ARMH4: variants seen among roughly 807,000 people sequenced by gnomAD.
ARMH4 encodes armadillo like helical domain containing 4, also known as armadillo-like helical domain-containing protein 4.
Under a neutral mutation model 61.9 loss-of-function variants are expected in ARMH4, and 49 were observed. That is an observed-to-expected ratio of 0.79 (90% CI 0.63 to 1.00). The LOEUF (loss-of-function observed/expected upper bound fraction) is 1.00. Ranked by LOEUF, ARMH4 falls within the 50% of genes least tolerant of loss-of-function variation. The pLI is 0.00. For missense variants in ARMH4, 934 were observed against 930.0 expected (o/e 1.00, Z -0.06); for synonymous variants, 368 against 341.5 (o/e 1.08, Z -0.85).
intron 5 of ARMH4, among the ~76,000 whole-genome samples, chr14:58,018,799 A>G (rs773528697): frequency 6.6e-6 from 1 of 152,174 alleles, no homozygotes; most frequent in Non-Finnish European, 1.5e-5. Context: ...ACAAATCAGT[A>G]TGTTGAAGAG....
At chr14:58,149,870 A>G (rs766323254) in intron 1 of ARMH4, among the ~76,000 whole-genome samples, 2 of 152,278 alleles carry the variant, frequency 1.3e-5, no homozygotes, top group Non-Finnish European at 2.9e-5. Flanking sequence ...AAGACATACT[A>G]GCATGCTACT....
chr14:58,055,630 T>A (rs999721909), intron 5 of ARMH4, among the ~76,000 whole-genome samples: 7 of 152,174 alleles, frequency 4.6e-5, no homozygotes, highest in Non-Finnish European at 8.8e-5. Context: ...CATCAGGGAA[T>A]CATCTGGGAG....
Position 58,003,994 on chromosome 14 carries a change from A to T in ARMH4, c.*742T>A, listed in dbSNP as rs1210411226. On this transcript the variant is annotated 3_prime_UTR_variant, in exon 8 of 8. Coordinates refer to ENST00000267485, the MANE Select transcript of ARMH4 (RefSeq NM_001001872.4). ...GAATATCTCTTAATCATAAACATGT[A>T]TGACATGTATGATTGAGTCTGTTGG... The T allele has an allele frequency of 6.6e-6, 1 of 152,200 alleles. No homozygotes were observed. Among genetic ancestry groups the T allele is most frequent in the East Asian group, 1.9e-4 (1 of 5,186 alleles). 9.4% of individuals were successfully genotyped at this position (152,200 alleles called of 1,614,324 possible). A position where few individuals can be genotyped will look rare whatever the true frequency, so the allele number is the denominator to read the frequency against.
intron 1 of ARMH4, among the ~76,000 whole-genome samples, chr14:58,149,083 GATTA>G (rs1417020107): frequency 1.3e-5 from 2 of 152,060 alleles, no homozygotes; most frequent in Admixed American, 6.5e-5. Context: ...ATTCCTCAAT[GATTA>G]ATTTATCATT....
chr14:58,079,932 A>G (rs1885164730), intron 5 of ARMH4, among the ~76,000 whole-genome samples: 1 of 152,110 alleles, frequency 6.6e-6, no homozygotes, highest in Non-Finnish European at 1.5e-5. Flanking sequence ...AACTATAGAA[A>G]TGATCTATCT....
At chr14:58,116,782 A>G (rs1193239612) in intron 4 of ARMH4, among the ~76,000 whole-genome samples, 1 of 152,246 alleles carries the variant, frequency 6.6e-6, no homozygotes, top group Non-Finnish European at 1.5e-5. Flanking sequence ...CTGGTTAACA[A>G]GCTGAAGATA....
At chr14:58,042,454 G>A (rs1225352411) in intron 5 of ARMH4, among the ~76,000 whole-genome samples, 5 of 152,140 alleles carry the variant, frequency 3.3e-5, no homozygotes, top group Admixed American at 3.3e-4. Context: ...AAAGCAGTGT[G>A]TAGAGGGAAA....
chr14:58,021,532 T>C (rs538458491), intron 5 of ARMH4, among the ~76,000 whole-genome samples: 40 of 152,316 alleles, frequency 2.6e-4, no homozygotes, highest in Admixed American at 2.5e-3. Flanking sequence ...AATGGACTAA[T>C]ACAAAATGTT....
chr14:58,104,670 A>G (rs1204816647), intron 4 of ARMH4, among the ~76,000 whole-genome samples: 8 of 152,242 alleles, frequency 5.3e-5, no homozygotes, highest in Non-Finnish European at 1.0e-4. Context: ...AGATATTATC[A>G]CCTTTCTTCA....
chr14:58,048,856 T>C (rs1348501323), intron 5 of ARMH4, among the ~76,000 whole-genome samples: 1 of 152,204 alleles, frequency 6.6e-6, no homozygotes, highest in African/African-American at 2.4e-5. Flanking sequence ...TTAAACTCTT[T>C]ATTTCATAAA....
rs1031219655 is a variant in ARMH4, at chr14:58,152,117, C to T, written c.-99G>A. ...AGCAGCGCGCGGAGGACAGAGGCAGCGGCGGCGCGGGCGCTCGGCATCCCA... is the reference window on the plus strand; with the variant it reads ...AGCAGCGCGCGGAGGACAGAGGCAGTGGCGGCGCGGGCGCTCGGCATCCCA... On this transcript the variant is annotated 5_prime_UTR_variant, in exon 1 of 8. Coordinates refer to ENST00000267485, the MANE Select transcript of ARMH4 (RefSeq NM_001001872.4). 1 of 159,918 alleles carries T rather than the reference C, an allele frequency of 6.3e-6. No homozygotes were observed. Among genetic ancestry groups the T allele is most frequent in the Non-Finnish European group, 1.4e-5 (1 of 74,018 alleles). The allele number at this position is 159,918 out of a possible 1,614,324, so 9.9% of individuals were successfully genotyped here.
chr14:58,069,386 CAT>C (rs1884811287), intron 5 of ARMH4, among the ~76,000 whole-genome samples: 1 of 152,184 alleles, frequency 6.6e-6, no homozygotes, highest in Non-Finnish European at 1.5e-5. Flanking sequence ...CTCACAATCT[CAT>C]ATGACAGACA....
At chr14:58,006,699 G>A (rs1594683440) in intron 6 of ARMH4, among the ~76,000 whole-genome samples, 1 of 150,106 alleles carries the variant, frequency 6.7e-6, no homozygotes, top group Non-Finnish European at 1.5e-5. Flanking sequence ...TCATAGGTGG[G>A]AACTGAACAA....
intron 5 of ARMH4, among the ~76,000 whole-genome samples, chr14:58,024,601 C>T (rs531085776): frequency 6.6e-6 from 1 of 152,238 alleles, no homozygotes; most frequent in South Asian, 2.1e-4. Context: ...TTTTCCTTTA[C>T]ATTCACAACT....
chr14:58,024,624 G>A (rs1453055275), intron 5 of ARMH4, among the ~76,000 whole-genome samples: 2 of 152,104 alleles, frequency 1.3e-5, no homozygotes, highest in South Asian at 4.1e-4. Flanking sequence ...GCTAACTGGT[G>A]CAAGAGGCCT....
intron 1 of ARMH4, among the ~76,000 whole-genome samples, chr14:58,144,584 G>A (rs556161520): frequency 6.6e-6 from 1 of 152,130 alleles, no homozygotes; most frequent in South Asian, 2.1e-4. Flanking sequence ...CAAAACATAT[G>A]AGGCCTGGCG....
chr14:58,103,592 C>A (rs1594758783), intron 4 of ARMH4, among the ~76,000 whole-genome samples: 2 of 117,154 alleles, frequency 1.7e-5, no homozygotes, highest in African/African-American at 6.0e-5. Context: ...CCAAAAAGAG[C>A]ACTATATTTT....
intron 5 of ARMH4, among the ~76,000 whole-genome samples, chr14:58,015,068 T>C (rs973888072): frequency 6.6e-6 from 1 of 152,194 alleles, no homozygotes; most frequent in African/African-American, 2.4e-5. Context: ...TTGTGTACTG[T>C]AGGAAGCTCA....
At chr14:58,132,269 G>A (rs1186688052) in intron 3 of ARMH4, among the ~76,000 whole-genome samples, 1 of 152,176 alleles carries the variant, frequency 6.6e-6, no homozygotes, top group Non-Finnish European at 1.5e-5. Flanking sequence ...CAGAGCATTT[G>A]AGAGCCTCCT....
Sources: gnomAD v4.1 joint callset for allele counts (sites outside exome capture counted in the v4.1 genomes callset) on GRCh38, gnomAD v4.1.1 for gene constraint, MANE v1.5 for transcripts, NCBI Gene and HGNC (gene_info 2026-07-23, HGNC 2026-07-21) for gene names.